The following TCF4 variants were observed in gnomAD, a reference collection of about 807,000 sequenced individuals.
TCF4 encodes transcription factor 4, also known as SL3-3 enhancer factor 2.
TCF4 carries 3 observed loss-of-function variants against 82.1 expected under a neutral mutation model. The observed-to-expected ratio is 0.04, with a 90% CI of 0.02 to 0.09. The LOEUF is 0.09. Among genes scored for constraint, TCF4 ranks in the 10% least tolerant of loss-of-function variants. TCF4 has a pLI of 1.00. For missense variants in TCF4, 518 were observed against 852.7 expected (o/e 0.61, Z 4.89); for synonymous variants, 276 against 309.6 (o/e 0.89, Z 1.14).
At chr18:55,330,071 T>C (rs1440620778) in intron 8 of TCF4, among the ~76,000 whole-genome samples, 2 of 152,198 alleles carry the variant, frequency 1.3e-5, no homozygotes, top group South Asian at 2.1e-4. Context: ...GTAACTGTGT[T>C]GTGTGCAAGG....
chr18:55,337,145 T>A (rs1292640054), intron 8 of TCF4, among the ~76,000 whole-genome samples: 1 of 152,146 alleles, frequency 6.6e-6, no homozygotes, highest in Non-Finnish European at 1.5e-5. Flanking sequence ...GTGCTAATTT[T>A]ACGTGAGAAT....
intron 5 of TCF4, chr18:55,422,266 T>C (rs760083953): frequency 2.8e-4 from 279 of 984,678 alleles, no homozygotes; most frequent in Non-Finnish European, 3.3e-4. Flanking sequence ...CCAAAAAGCA[T>C]GTGGATGAAT....
At chr18:55,301,335 G>A (rs754011758) in intron 8 of TCF4, among the ~76,000 whole-genome samples, 1 of 152,148 alleles carries the variant, frequency 6.6e-6, no homozygotes, top group East Asian at 1.9e-4. Flanking sequence ...AGTAGCATAC[G>A]GCTCTCGCCT....
At chr18:55,454,820 C>T (rs1021989313) in intron 5 of TCF4, among the ~76,000 whole-genome samples, 2 of 152,090 alleles carry the variant, frequency 1.3e-5, no homozygotes, top group African/African-American at 4.8e-5. Context: ...AGAGCTGTTC[C>T]TCCCTCAACC....
chr18:55,358,219 T>C (rs1289636024), intron 6 of TCF4, among the ~76,000 whole-genome samples: 4 of 152,262 alleles, frequency 2.6e-5, no homozygotes, highest in Non-Finnish European at 1.5e-5. Flanking sequence ...TTGAAGTAAA[T>C]GCAGAACTAA....
In TCF4 at chr18:55,232,572, G is replaced by A. The variant is rs796053419; in HGVS notation, c.1586C>T (p.Ser529Leu). ...GTCGTCATCTAATTTCTTGTCCTCC[G>A]AAGATTTCGTGTCTTGCAGGTTCTC... ...GDENLQDTKS[S>L]EDKKLDDDKK... The change falls in exon 17 of 20, where the codon TCG (serine) becomes TTG (leucine). Residue 529 changes from serine (S) to leucine (L), a missense_variant. By Grantham distance (145) the Ser-to-Leu change is moderately radical. Coordinates refer to ENST00000354452, the MANE Select transcript of TCF4 (RefSeq NM_001083962.2). The A allele has an allele frequency of 3.1e-6, 5 of 1,613,938 alleles. No individual in the cohort carries two copies. The highest frequency in any genetic ancestry group is 1.1e-5 in the South Asian group (1 of 91,074).
chr18:55,455,109 C>A (rs943360174), intron 5 of TCF4, among the ~76,000 whole-genome samples: 34 of 148,476 alleles, frequency 2.3e-4, no homozygotes, highest in Non-Finnish European at 7.4e-5. Flanking sequence ...CTCACCTGAG[C>A]CCAGGAAGTT....
At chr18:55,229,363 C>T in intron 17 of TCF4, 1 of 468,694 alleles carries the variant, frequency 2.1e-6, no homozygotes, top group Non-Finnish European at 3.9e-6. Flanking sequence ...TACAGGGGGG[C>T]AGAAAGGGAA....
At chr18:55,495,159 C>A (rs957035106) in intron 3 of TCF4, among the ~76,000 whole-genome samples, 1 of 151,848 alleles carries the variant, frequency 6.6e-6, no homozygotes, top group African/African-American at 2.4e-5. Flanking sequence ...CTCATTTAAG[C>A]CAATAGATAA....
chr18:55,282,120 T>C (rs998179503), intron 8 of TCF4, among the ~76,000 whole-genome samples: 2 of 152,016 alleles, frequency 1.3e-5, no homozygotes, highest in South Asian at 2.1e-4. Context: ...TCCATTTAGA[T>C]ACTTTATCAT....
At chr18:55,393,183 G>A (rs1301454880) in intron 6 of TCF4, among the ~76,000 whole-genome samples, 3 of 152,092 alleles carry the variant, frequency 2.0e-5, no homozygotes, top group Admixed American at 6.5e-5. Flanking sequence ...GGACAACAAC[G>A]TGAGACCCTG....
intron 2 of TCF4, among the ~76,000 whole-genome samples, chr18:55,601,010 C>T (rs910137617): frequency 1.3e-5 from 2 of 152,022 alleles, no homozygotes; most frequent in African/African-American, 2.4e-5. Flanking sequence ...GTCTGATATC[C>T]GCAGGAAGGC....
chr18:55,240,858 T>C (rs2050992912), intron 15 of TCF4, among the ~76,000 whole-genome samples: 1 of 152,244 alleles, frequency 6.6e-6, no homozygotes, highest in South Asian at 2.1e-4. Context: ...TTTGGATTTT[T>C]ACTTGATTCT....
intron 3 of TCF4, among the ~76,000 whole-genome samples, chr18:55,468,107 G>A (rs1322775935): frequency 2.6e-5 from 4 of 152,236 alleles, no homozygotes; most frequent in African/African-American, 9.6e-5. Context: ...ATTTATTTGG[G>A]AGTTTATACC....
chr18:55,413,512 C>T (rs1961342703), intron 5 of TCF4, among the ~76,000 whole-genome samples: 4 of 152,136 alleles, frequency 2.6e-5, no homozygotes, highest in South Asian at 2.1e-4. Flanking sequence ...CTGCCAGATA[C>T]GCAGGGCCAC....
At chr18:55,579,605 A>C (rs1432421069) in intron 3 of TCF4, among the ~76,000 whole-genome samples, 6 of 152,030 alleles carry the variant, frequency 3.9e-5, no homozygotes, top group Non-Finnish European at 5.9e-5. Context: ...TTGTAAACTG[A>C]AGAACATTTC....
At chr18:55,468,936 G>C (rs1211537696) in intron 3 of TCF4, among the ~76,000 whole-genome samples, 1 of 142,688 alleles carries the variant, frequency 7.0e-6, no homozygotes, top group Non-Finnish European at 1.5e-5. Flanking sequence ...AGAATAAAGA[G>C]AAAGATATTA....
At chr18:55,467,415 G>A (rs541691697) in intron 3 of TCF4, among the ~76,000 whole-genome samples, 2 of 152,036 alleles carry the variant, frequency 1.3e-5, no homozygotes, top group East Asian at 1.9e-4. Flanking sequence ...ATTAGGGTCC[G>A]TCTCATATCT....
At chr18:55,485,138 T>C (rs893980988) in intron 3 of TCF4, among the ~76,000 whole-genome samples, 72 of 152,192 alleles carry the variant, frequency 4.7e-4, no homozygotes, top group African/African-American at 1.7e-3. Context: ...TCTGTTTGGA[T>C]GTGATGCCCA....
Sources: gnomAD v4.1 joint callset for allele counts (sites outside exome capture counted in the v4.1 genomes callset) on GRCh38, gnomAD v4.1.1 for gene constraint, MANE v1.5 for transcripts, NCBI Gene and HGNC (gene_info 2026-07-23, HGNC 2026-07-21) for gene names.